Variants in PXDNL observed in about 807,000 individuals in gnomAD.
PXDNL encodes the protein peroxidasin like.
PXDNL carries 145 observed loss-of-function variants against 150.8 expected under a neutral mutation model. That is an observed-to-expected ratio of 0.96 (90% confidence interval 0.84 to 1.10). PXDNL has a LOEUF of 1.10. PXDNL is among the 50% of genes least tolerant of loss of function. The pLI is 0.00. For missense variants in PXDNL, 2,087 were observed against 1,873.9 expected (o/e 1.11, Z -2.10); for synonymous variants, 757 against 725.7 (o/e 1.04, Z -0.69).
At chr8:51,502,588 G>C (rs1811209019) in intron 4 of PXDNL, among the ~76,000 whole-genome samples, 1 of 152,120 alleles carries the variant, frequency 6.6e-6, no homozygotes. Flanking sequence ...CACGAGCCGG[G>C]TCTGTGGTTT....
chr8:51,464,124 G>A (rs1238638608), intron 8 of PXDNL, among the ~76,000 whole-genome samples: 1 of 152,110 alleles, frequency 6.6e-6, no homozygotes, highest in East Asian at 1.9e-4. Context: ...AGCACTTTGG[G>A]AGGCTGAGGC....
At chr8:51,341,518 C>A (rs750191549) in intron 20 of PXDNL, among the ~76,000 whole-genome samples, 3 of 152,008 alleles carry the variant, frequency 2.0e-5, no homozygotes, top group Non-Finnish European at 4.4e-5. Flanking sequence ...TATACAGTAC[C>A]ATTTATTAAC....
At chr8:51,425,879 A>C (rs1809086662) in intron 13 of PXDNL, among the ~76,000 whole-genome samples, 1 of 152,176 alleles carries the variant, frequency 6.6e-6, no homozygotes, top group African/African-American at 2.4e-5. Flanking sequence ...AAAGACACCT[A>C]AACTTACTCT....
rs1008266441 is a variant in PXDNL, at chr8:51,483,743, C to T, written c.453-29G>A. 28 of 1,207,132 alleles carry T rather than the reference C, an allele frequency of 2.3e-5. No homozygotes were observed. The African/African-American group carries it at 3.7e-4, about 16-fold the overall frequency. 74.8% of individuals were successfully genotyped at this position (1,207,132 alleles called of 1,614,324 possible). On this transcript the variant is annotated intron_variant, in intron 5 of 22. Transcript: ENST00000356297. The stretch of plus-strand genomic sequence containing the variant: ...AAAAAGAAAAGATAAACTTTAATCA[C>T]CATACAATAATAATGAATTTGACAA...
At chr8:51,428,298 A>G (rs893261789) in intron 12 of PXDNL, among the ~76,000 whole-genome samples, 3 of 131,312 alleles carry the variant, frequency 2.3e-5, no homozygotes, top group African/African-American at 8.5e-5. Flanking sequence ...ACAAATTGAT[A>G]TACAGGTTTA....
At chr8:51,492,465 G>A (rs548148788) in intron 5 of PXDNL, among the ~76,000 whole-genome samples, 1 of 152,290 alleles carries the variant, frequency 6.6e-6, no homozygotes, top group African/African-American at 2.4e-5. Flanking sequence ...CACTGAGCAT[G>A]AGCCAAAGCT....
chr8:51,365,391 T>C (rs1346261336), intron 19 of PXDNL, among the ~76,000 whole-genome samples: 2 of 152,178 alleles, frequency 1.3e-5, no homozygotes, highest in African/African-American at 4.8e-5. Flanking sequence ...ATTACAGAGA[T>C]TCAGTTGTAA....
chr8:51,440,971 G>A (rs1194409565), intron 12 of PXDNL, among the ~76,000 whole-genome samples: 2 of 152,188 alleles, frequency 1.3e-5, no homozygotes, highest in African/African-American at 4.8e-5. Flanking sequence ...GCAGTGCAGT[G>A]CTGAGGGGAA....
chr8:51,402,930 C>T (rs1250081805), intron 17 of PXDNL, among the ~76,000 whole-genome samples: 1 of 150,320 alleles, frequency 6.7e-6, no homozygotes, highest in Non-Finnish European at 1.5e-5. Context: ...CACACACACA[C>T]ACACACAAAA....
At chr8:51,732,488 A>G (rs1816953180) in intron 1 of PXDNL, among the ~76,000 whole-genome samples, 1 of 152,162 alleles carries the variant, frequency 6.6e-6, no homozygotes, top group African/African-American at 2.4e-5. Context: ...GAGCCCCTCA[A>G]ACTGTTCCAA....
intron 2 of PXDNL, among the ~76,000 whole-genome samples, chr8:51,622,631 A>G (rs1814280817): frequency 6.6e-6 from 1 of 152,250 alleles, no homozygotes; most frequent in Non-Finnish European, 1.5e-5. Flanking sequence ...ACGAACAACC[A>G]GATGAACAAG....
chr8:51,611,982 A>C (rs1044623898), intron 2 of PXDNL, among the ~76,000 whole-genome samples: 25 of 152,252 alleles, frequency 1.6e-4, no homozygotes, highest in African/African-American at 5.8e-4. Flanking sequence ...ATGCAGGCAG[A>C]TCTGGAAAGA....
intron 4 of PXDNL, among the ~76,000 whole-genome samples, chr8:51,522,875 CA>C (rs34790616): frequency 5.7e-4 from 83 of 145,104 alleles, no homozygotes; most frequent in Non-Finnish European, 1.0e-3. Context: ...AACAAACAAA[CA>C]AAAAAAAAAC....
intron 4 of PXDNL, among the ~76,000 whole-genome samples, chr8:51,515,284 C>T (rs374137809): frequency 2.6e-5 from 4 of 152,012 alleles, no homozygotes; most frequent in Non-Finnish European, 5.9e-5. Context: ...CATCCACAGA[C>T]GATAGGGTTC....
intron 17 of PXDNL, among the ~76,000 whole-genome samples, chr8:51,384,971 G>A (rs887395554): frequency 1.1e-4 from 17 of 152,028 alleles, no homozygotes; most frequent in Admixed American, 6.5e-5. Flanking sequence ...AATCAAAGAA[G>A]GCAGAGACAT....
At chr8:51,804,519 C>T (rs1173670827) in intron 1 of PXDNL, among the ~76,000 whole-genome samples, 1 of 152,100 alleles carries the variant, frequency 6.6e-6, no homozygotes, top group African/African-American at 2.4e-5. Flanking sequence ...TCCCTTTTTA[C>T]TCCATAAATA....
intron 19 of PXDNL, among the ~76,000 whole-genome samples, chr8:51,362,205 A>G (rs1806774344): frequency 6.6e-6 from 1 of 152,200 alleles, no homozygotes; most frequent in African/African-American, 2.4e-5. Flanking sequence ...GTGTTTACAA[A>G]AGATAAGACC....
intron 17 of PXDNL, among the ~76,000 whole-genome samples, chr8:51,390,256 C>G (rs1807851582): frequency 6.6e-6 from 1 of 152,130 alleles, no homozygotes; most frequent in African/African-American, 2.4e-5. Context: ...TTTTGTCTGC[C>G]TTAGGCTCAT....
intron 1 of PXDNL, among the ~76,000 whole-genome samples, chr8:51,751,098 A>G (rs1327892857): frequency 2.0e-5 from 3 of 152,204 alleles, no homozygotes; most frequent in Non-Finnish European, 1.5e-5. Context: ...AGATTTTTCA[A>G]AAAAGAAATA....
Sources: allele counts gnomAD v4.1 joint callset (sites outside exome capture counted in the v4.1 genomes callset), GRCh38; gene constraint gnomAD v4.1.1; transcripts MANE v1.5; gene names NCBI Gene and HGNC (gene_info 2026-07-23, HGNC 2026-07-21).